Variants in PLCB1 observed in about 807,000 individuals in gnomAD.
PLCB1 encodes 1-phosphatidylinositol 4,5-bisphosphate phosphodiesterase beta-1.
Under a neutral mutation model 161.8 loss-of-function variants are expected in PLCB1, and 46 were observed. That is an observed-to-expected ratio of 0.28 (90% CI 0.22 to 0.36). PLCB1 has a LOEUF of 0.36. Among genes scored for constraint, PLCB1 ranks in the 10% least tolerant of loss-of-function variants. PLCB1 has a pLI of 1.00. For missense variants in PLCB1, 1,016 were observed against 1,472.5 expected (o/e 0.69, Z 5.07); for synonymous variants, 517 against 503.7 (o/e 1.03, Z -0.35).
chr20:8,389,012 TC>T (rs1987513982), intron 3 of PLCB1, among the ~76,000 whole-genome samples: 1 of 152,170 alleles, frequency 6.6e-6, no homozygotes, highest in African/African-American at 2.4e-5. Context: ...CTGACTTTTC[TC>T]CCTGCCCCTT....
At position 8,572,654 on chromosome 20, in the gene PLCB1, C is replaced by A. The variant is rs1157546624; in HGVS notation, c.247-55640C>A. The stretch of plus-strand genomic sequence containing the variant: ...AAGAACAATGGACATGTATCTTGCA[C>A]ATATCTCCTCTGCTTATGTGCATTC... On this transcript the variant is annotated intron_variant, in intron 3 of 31. Transcript: ENST00000338037. Among the ~76,000 whole-genome samples, 3 of 152,232 alleles carry A rather than the reference C, an allele frequency of 2.0e-5. No homozygotes were observed. The East Asian group carries it at 5.8e-4, about 29-fold the overall frequency.
intron 3 of PLCB1, among the ~76,000 whole-genome samples, chr20:8,585,278 C>T (rs1334572567): frequency 1.3e-5 from 2 of 152,150 alleles, no homozygotes. Flanking sequence ...CTGTGCATGT[C>T]CTGGAGCCAG....
At chr20:8,872,494 T>C (rs1032292366) in intron 31 of PLCB1, among the ~76,000 whole-genome samples, 2 of 152,324 alleles carry the variant, frequency 1.3e-5, no homozygotes, top group South Asian at 4.1e-4. Context: ...CTTGAGTTCA[T>C]GTTTTCTAGG....
chr20:8,681,939 T>C (rs942323046), intron 9 of PLCB1, among the ~76,000 whole-genome samples: 16 of 152,128 alleles, frequency 1.1e-4, no homozygotes, highest in Non-Finnish European at 1.9e-4. Context: ...ACAAAGCATC[T>C]AGTAGACACC....
intron 3 of PLCB1, among the ~76,000 whole-genome samples, chr20:8,395,040 T>G (rs968760191): frequency 2.6e-5 from 4 of 152,154 alleles, no homozygotes; most frequent in Non-Finnish European, 5.9e-5. Context: ...AAAATTAAAT[T>G]TGACTCTCTT....
intron 14 of PLCB1, among the ~76,000 whole-genome samples, chr20:8,721,227 G>A (rs899102261): frequency 6.6e-6 from 1 of 152,200 alleles, no homozygotes; most frequent in Non-Finnish European, 1.5e-5. Context: ...TATAAATCGA[G>A]TAGGGCAGCT....
At chr20:8,161,783 C>CT (rs58456108) in intron 2 of PLCB1, among the ~76,000 whole-genome samples, 10,459 of 140,862 alleles carry the variant, frequency 0.074, 364 homozygotes, top group Middle Eastern at 0.13. Flanking sequence ...GAACATTGGA[C>CT]TTTTTTTTTT....
intron 2 of PLCB1, among the ~76,000 whole-genome samples, chr20:8,321,884 A>G (rs1600313545): frequency 6.6e-6 from 1 of 152,136 alleles, no homozygotes; most frequent in Non-Finnish European, 1.5e-5. Context: ...GCATCTTGTT[A>G]TAAGTACCTG....
At chr20:8,151,251 C>G (rs781642103) in intron 2 of PLCB1, among the ~76,000 whole-genome samples, 12 of 152,168 alleles carry the variant, frequency 7.9e-5, no homozygotes, top group South Asian at 2.1e-4. Context: ...GGAACCTCCA[C>G]AGTTACGGAT....
intron 1 of PLCB1, among the ~76,000 whole-genome samples, chr20:8,140,860 G>A (rs547208788): frequency 8.2e-4 from 125 of 151,834 alleles, no homozygotes; most frequent in African/African-American, 2.8e-3. Context: ...GTGCAATGGC[G>A]CAATCTCGGC....
chr20:8,365,172 G>A (rs1183432036), intron 2 of PLCB1, among the ~76,000 whole-genome samples: 1 of 152,188 alleles, frequency 6.6e-6, no homozygotes, highest in South Asian at 2.1e-4. Flanking sequence ...ATCTGCACCT[G>A]TGTTTGACAG....
intron 3 of PLCB1, among the ~76,000 whole-genome samples, chr20:8,506,896 T>C (rs1196512227): frequency 6.6e-6 from 1 of 152,184 alleles, no homozygotes; most frequent in Admixed American, 6.6e-5. Context: ...AATAAAACTA[T>C]AGTAGAACCT....
At chr20:8,665,645 A>T (rs987948935) in intron 9 of PLCB1, among the ~76,000 whole-genome samples, 4 of 152,168 alleles carry the variant, frequency 2.6e-5, no homozygotes, top group African/African-American at 9.7e-5. Context: ...AAGTGTAAGG[A>T]TGTACACTTG....
chr20:8,795,998 A>G (rs1984010545), intron 31 of PLCB1, among the ~76,000 whole-genome samples: 1 of 152,282 alleles, frequency 6.6e-6, no homozygotes, highest in South Asian at 2.1e-4. Flanking sequence ...AAGAAGAATC[A>G]TCTTTTGAGG....
intron 10 of PLCB1, among the ~76,000 whole-genome samples, chr20:8,690,000 A>G (rs1407594389): frequency 7.8e-6 from 1 of 127,466 alleles, no homozygotes; most frequent in Non-Finnish European, 1.7e-5. Context: ...ACACCATCTG[A>G]TTCATATACC....
At chr20:8,292,806 T>A (rs1983445564) in intron 2 of PLCB1, among the ~76,000 whole-genome samples, 1 of 152,218 alleles carries the variant, frequency 6.6e-6, no homozygotes, top group Non-Finnish European at 1.5e-5. Flanking sequence ...AAAAGAGGTT[T>A]TTAATGTTAC....
chr20:8,627,862 AG>A (rs1988406573), intron 3 of PLCB1, among the ~76,000 whole-genome samples: 1 of 152,240 alleles, frequency 6.6e-6, no homozygotes, highest in Admixed American at 6.5e-5. Flanking sequence ...GCTGAGAGCC[AG>A]GGCTGTGTTT....
At position 8,403,373 on chromosome 20, in the gene PLCB1, C is replaced by T. The variant is rs371755225; in HGVS notation, c.246+31923C>T. Reference sequence around the variant, plus strand: ...TCCTGTCTGGGTCAATGAAGCAAGACTGTGTCTCAAAAACCAACCAAACAA... The same window carrying T: ...TCCTGTCTGGGTCAATGAAGCAAGATTGTGTCTCAAAAACCAACCAAACAA... On this transcript the variant is annotated intron_variant, in intron 3 of 31. Transcript: ENST00000338037. 1.2e-4 allele frequency among the ~76,000 whole-genome samples: 18 copies of T among 151,984 alleles called. 1 individual carries two copies. Among genetic ancestry groups the T allele is most frequent in the Admixed American group, 7.2e-4 (11 of 15,270 alleles).
intron 3 of PLCB1, among the ~76,000 whole-genome samples, chr20:8,429,530 A>T (rs1232442926): frequency 1.3e-5 from 2 of 152,068 alleles, no homozygotes; most frequent in Admixed American, 6.5e-5. Flanking sequence ...GCCATGCAAT[A>T]CAAAATGTCA....
Sources: gnomAD v4.1 joint callset for allele counts (sites outside exome capture counted in the v4.1 genomes callset) on GRCh38, gnomAD v4.1.1 for gene constraint, MANE v1.5 for transcripts, NCBI Gene and HGNC (gene_info 2026-07-23, HGNC 2026-07-21) for gene names.